The following LTBP2 variants were observed in gnomAD, a reference collection of about 807,000 sequenced individuals.
The protein encoded by LTBP2 is latent transforming growth factor beta binding protein 2.
In LTBP2, 103 loss-of-function variants were observed where a neutral mutation model predicts 210.6. That is an observed-to-expected ratio of 0.49 (90% confidence interval 0.42 to 0.58). The LOEUF (loss-of-function observed/expected upper bound fraction) is 0.58. LTBP2 is among the 20% of genes least tolerant of loss of function. The pLI is 0.00. For missense variants in LTBP2, 2,313 were observed against 2,494.5 expected (o/e 0.93, Z 1.55); for synonymous variants, 1,007 against 1,015.0 (o/e 0.99, Z 0.15).
chr14:74,569,494 C>G (rs1300797021), intron 3 of LTBP2, among the ~76,000 whole-genome samples: 4 of 152,112 alleles, frequency 2.6e-5, no homozygotes, highest in Non-Finnish European at 5.9e-5. Flanking sequence ...TGCTGGAGCT[C>G]AGATCAAGGC....
At chr14:74,559,318 C>T (rs1566638461) in intron 3 of LTBP2, among the ~76,000 whole-genome samples, 1 of 152,168 alleles carries the variant, frequency 6.6e-6, no homozygotes, top group Non-Finnish European at 1.5e-5. Flanking sequence ...GAGCCTAATT[C>T]ATTGTCACCT....
chr14:74,600,196 C>T (rs958083499), intron 2 of LTBP2, among the ~76,000 whole-genome samples: 2 of 152,194 alleles, frequency 1.3e-5, no homozygotes, highest in Non-Finnish European at 2.9e-5. Context: ...TTATTAGCAG[C>T]CAAATAGCAA....
chr14:74,507,717 G>A (rs1451622324), intron 25 of LTBP2, among the ~76,000 whole-genome samples: 1 of 152,228 alleles, frequency 6.6e-6, no homozygotes, highest in African/African-American at 2.4e-5. Flanking sequence ...AAGACATTGA[G>A]CATAGCAGGT....
At chr14:74,507,128 A>G (rs1443307609) in intron 26 of LTBP2, 51 bp downstream of exon 26, 1 of 1,613,654 alleles carries the variant, frequency 6.2e-7, no homozygotes, top group African/African-American at 1.3e-5. Flanking sequence ...CAATATGTGA[A>G]AAATAGGTTT....
intron 18 of LTBP2, among the ~76,000 whole-genome samples, chr14:74,512,110 C>T (rs183098722): frequency 2.8e-4 from 43 of 152,226 alleles, no homozygotes; most frequent in Admixed American, 5.2e-4. Context: ...TCCCCGGAGC[C>T]GAGGAGAGGG....
At chr14:74,571,428 T>C (rs1370956657) in intron 3 of LTBP2, among the ~76,000 whole-genome samples, 1 of 152,170 alleles carries the variant, frequency 6.6e-6, no homozygotes, top group East Asian at 1.9e-4. Flanking sequence ...GACAATTCCA[T>C]AAGGTAGCAA....
At chr14:74,521,235 G>A (rs1008770897) in intron 17 of LTBP2, among the ~76,000 whole-genome samples, 1 of 152,150 alleles carries the variant, frequency 6.6e-6, no homozygotes, top group Admixed American at 6.5e-5. Context: ...GCACAGGCAG[G>A]GTCCCTCTTG....
intron 3 of LTBP2, among the ~76,000 whole-genome samples, chr14:74,574,980 G>A (rs1383263051): frequency 1.3e-5 from 2 of 151,700 alleles, no homozygotes; most frequent in Non-Finnish European, 2.9e-5. Flanking sequence ...CCTGAGCTCG[G>A]CATCCTCACC....
intron 27 of LTBP2, among the ~76,000 whole-genome samples, chr14:74,506,431 C>A (rs2086986052): frequency 1.3e-5 from 2 of 152,240 alleles, no homozygotes; most frequent in Admixed American, 6.5e-5. Context: ...CCCCTCAGTG[C>A]ACATTCTCCA....
In LTBP2 at chr14:74,500,405, T is replaced by G; in HGVS notation, c.*479A>C. 5.9e-6 allele frequency: 2 copies of G among 339,660 alleles called. No individual in the cohort carries two copies. Among genetic ancestry groups the G allele is most frequent in the Non-Finnish European group, 1.1e-5 (2 of 180,144 alleles). 21.0% of individuals were successfully genotyped at this position (339,660 alleles called of 1,614,324 possible). A position where few individuals can be genotyped will look rare whatever the true frequency, so the allele number is the denominator to read the frequency against. ...TGGTTCTTAGGAGGGGGCTCTGGAG[T>G]CAGTCCCCAAGCTTCCCCAAATCCT... On this transcript the variant is annotated 3_prime_UTR_variant, in exon 36 of 36. Coordinates refer to ENST00000261978, the MANE Select transcript of LTBP2 (RefSeq NM_000428.3).
Position 74,501,435 on chromosome 14 carries a change from A to C in LTBP2, c.5320+6T>G. ...CCTGACTCCTCCATCAGAATTCTGC[A>C]CTTACCTACGCAGGCCATGTGGGCC... On this transcript the variant is annotated splice_donor_region_variant and intron_variant, in intron 35 of 35. Coordinates refer to ENST00000261978, the MANE Select transcript of LTBP2 (RefSeq NM_000428.3). 1 of 1,613,982 alleles carries C rather than the reference A, an allele frequency of 6.2e-7. No individual in the cohort carries two copies. Among genetic ancestry groups the C allele is most frequent in the Non-Finnish European group, 8.5e-7 (1 of 1,179,978 alleles).
At chr14:74,529,635 T>C (rs1198771895) in intron 10 of LTBP2, among the ~76,000 whole-genome samples, 1 of 152,162 alleles carries the variant, frequency 6.6e-6, no homozygotes, top group Non-Finnish European at 1.5e-5. Context: ...GTAATGCTTG[T>C]TGAAGCTATG....
At chr14:74,564,046 TA>T (rs2087833554) in intron 3 of LTBP2, among the ~76,000 whole-genome samples, 1 of 63,766 alleles carries the variant, frequency 1.6e-5, no homozygotes, top group Non-Finnish European at 2.8e-5. Context: ...TATATATATA[TA>T]TTTATATATA....
chr14:74,568,269 C>T (rs943651157), intron 3 of LTBP2, among the ~76,000 whole-genome samples: 1 of 152,160 alleles, frequency 6.6e-6, no homozygotes, highest in Admixed American at 6.5e-5. Context: ...CCCGGGCCAG[C>T]CCCCTGCATG....
chr14:74,513,573 C>T (rs862054), intron 18 of LTBP2, among the ~76,000 whole-genome samples: 96,837 of 152,096 alleles, frequency 0.64, 30,969 homozygotes, highest in East Asian at 0.74. Flanking sequence ...GAGGCCAAGA[C>T]AGGCGGATCA....
intron 15 of LTBP2, 36 bp from the exon 16 acceptor site, chr14:74,522,954 G>T: frequency 1.2e-6 from 2 of 1,601,558 alleles, no homozygotes; most frequent in South Asian, 1.1e-5. Context: ...GTTATGGCAG[G>T]GTGGGTGCTG....
rs112956445 is a variant in LTBP2, at chr14:74,570,373, C to A, written c.831-14680G>T. Among the ~76,000 whole-genome samples, 747 of 152,270 alleles carry A rather than the reference C, an allele frequency of 4.9e-3. 17 individuals carry two copies. In the South Asian group the frequency reaches 0.079, roughly 16 times the overall value. On this transcript the variant is annotated intron_variant, in intron 3 of 35. Coordinates refer to ENST00000261978, the MANE Select transcript of LTBP2 (RefSeq NM_000428.3). ...GGCCTGACTCCAGATGTGTTTACCCCACTCGTGGGCCTGCCCCGACAAGCA... is the reference window on the plus strand; with the variant it reads ...GGCCTGACTCCAGATGTGTTTACCCAACTCGTGGGCCTGCCCCGACAAGCA...
At chr14:74,606,124 G>T (rs1301300223) in intron 1 of LTBP2, among the ~76,000 whole-genome samples, 1 of 152,178 alleles carries the variant, frequency 6.6e-6, no homozygotes, top group Admixed American at 6.5e-5. Flanking sequence ...TCTGAGTCCA[G>T]TCTTCCAGTT....
In LTBP2 at chr14:74,606,379, G is replaced by A. The variant is rs144555859; in HGVS notation, c.495-2674C>T. On this transcript the variant is annotated intron_variant, in intron 1 of 35. Coordinates refer to ENST00000261978, the MANE Select transcript of LTBP2 (RefSeq NM_000428.3). ...GTCTCCACAACCATCCACAGCCAAG[G>A]CTTTGCTCCTCCAAGGATACAAGGT... 7.2e-5 allele frequency among the ~76,000 whole-genome samples: 11 copies of A among 152,326 alleles called. No homozygotes were observed. In the East Asian group the frequency reaches 2.1e-3, roughly 29 times the overall value.
Sources: allele counts gnomAD v4.1 joint callset (sites outside exome capture counted in the v4.1 genomes callset), GRCh38; gene constraint gnomAD v4.1.1; transcripts MANE v1.5; gene names NCBI Gene and HGNC (gene_info 2026-07-23, HGNC 2026-07-21).